GPC5: variants seen among roughly 807,000 people sequenced by gnomAD.
GPC5 encodes glypican 5.
In GPC5, 47 loss-of-function variants were observed where a neutral mutation model predicts 53.9. That is an observed-to-expected ratio of 0.87 (90% CI 0.69 to 1.11). The LOEUF is 1.11. Among genes scored for constraint, GPC5 ranks in the 50% most tolerant of loss-of-function variants. The pLI, the probability that GPC5 is intolerant of heterozygous loss-of-function variation, is 0.00. For missense variants in GPC5, 748 were observed against 713.1 expected, an observed-to-expected ratio of 1.05 and a Z score of -0.56; for synonymous variants, 286 against 263.3, an observed-to-expected ratio of 1.09 and a Z score of -0.84.
At chr13:92,065,895 T>C (rs369054220) in intron 6 of GPC5, among the ~76,000 whole-genome samples, 3 of 152,142 alleles carry the variant, frequency 2.0e-5, no homozygotes, top group African/African-American at 7.2e-5. Flanking sequence ...GTTTTGCATA[T>C]TCAAATAATT....
chr13:92,836,427 C>A (rs901583131), intron 7 of GPC5, among the ~76,000 whole-genome samples: 4 of 152,016 alleles, frequency 2.6e-5, no homozygotes, highest in South Asian at 4.1e-4. Context: ...CTAACAACAA[C>A]AAAAAAATCA....
rs79760039 is a variant in GPC5 at position 91,595,655 on chromosome 13, G to A, written c.326-97532G>A. 1.2e-4 allele frequency among the ~76,000 whole-genome samples: 19 copies of A among 152,150 alleles called. 1 individual carries two copies. Among genetic ancestry groups the A allele is most frequent in the Admixed American group, 2.6e-4 (4 of 15,282 alleles). ...TATCTGAACTTCCCTTTAAGCAGGCGCATTTGTTCTAGTTTGTTTTATATT... is the reference window on the plus strand; with the variant it reads ...TATCTGAACTTCCCTTTAAGCAGGCACATTTGTTCTAGTTTGTTTTATATT... On this transcript the variant is annotated intron_variant, in intron 2 of 7. Transcript: ENST00000377067.
chr13:91,871,340 C>T (rs78260556), intron 5 of GPC5, among the ~76,000 whole-genome samples: 2,342 of 151,240 alleles, frequency 0.015, 34 homozygotes, highest in Non-Finnish European at 0.023. Context: ...AAACAGACAC[C>T]GGGGTCTACT....
chr13:92,703,565 TAA>T (rs113868712), intron 7 of GPC5, among the ~76,000 whole-genome samples: 1 of 108,450 alleles, frequency 9.2e-6, no homozygotes. Context: ...AGAAAAGGGT[TAA>T]TATTATATAA....
chr13:91,621,761 T>TATATACATATATATATATATA, intron 2 of GPC5, among the ~76,000 whole-genome samples: 1 of 46,876 alleles, frequency 2.1e-5, no homozygotes, highest in African/African-American at 5.6e-5. Flanking sequence ...GGACAGAACA[T>TATATACATATATATATATATA]TATATATATA....
At chr13:91,592,797 C>T (rs1011739641) in intron 2 of GPC5, among the ~76,000 whole-genome samples, 4 of 152,200 alleles carry the variant, frequency 2.6e-5, no homozygotes, top group Admixed American at 2.0e-4. Context: ...GTGGAGGCTG[C>T]ACCATGCACA....
At position 91,739,695 on chromosome 13, in the gene GPC5, A is replaced by G. The variant is rs2036888874; in HGVS notation, c.1154+11030A>G. The stretch of plus-strand genomic sequence containing the variant: ...TCACATTGCGGCTAACTTCCCTCAG[A>G]ACAAGAAATCTAAGAGAGAGCAAGG... On this transcript the variant is annotated intron_variant, in intron 4 of 7. Coordinates refer to ENST00000377067, the MANE Select transcript of GPC5 (RefSeq NM_004466.6). Among the ~76,000 whole-genome samples, 3 of 151,338 alleles carry G rather than the reference A, an allele frequency of 2.0e-5. No homozygotes were observed. In the South Asian group the frequency reaches 6.2e-4, roughly 31 times the overall value.
intron 7 of GPC5, among the ~76,000 whole-genome samples, chr13:92,834,915 T>C (rs1023800708): frequency 6.6e-6 from 1 of 152,126 alleles, no homozygotes; most frequent in Non-Finnish European, 1.5e-5. Flanking sequence ...ACATCTTCTA[T>C]TGTTAGATTT....
At chr13:92,382,000 A>G (rs1327405434) in intron 7 of GPC5, among the ~76,000 whole-genome samples, 1 of 149,216 alleles carries the variant, frequency 6.7e-6, no homozygotes, top group South Asian at 2.1e-4. Context: ...CTATCTATCT[A>G]TCTATATATC....
At chr13:92,373,629 G>A (rs754163388) in intron 7 of GPC5, among the ~76,000 whole-genome samples, 1 of 152,192 alleles carries the variant, frequency 6.6e-6, no homozygotes, top group Non-Finnish European at 1.5e-5. Flanking sequence ...TACCTTCCAG[G>A]CATTCATATC....
intron 6 of GPC5, among the ~76,000 whole-genome samples, chr13:91,956,714 T>A (rs192710541): frequency 2.3e-4 from 35 of 152,300 alleles, no homozygotes; most frequent in Non-Finnish European, 4.9e-4. Flanking sequence ...CTACCCTGTT[T>A]ACAGCTGAAG....
intron 7 of GPC5, among the ~76,000 whole-genome samples, chr13:92,257,311 T>C (rs528296280): frequency 6.6e-6 from 1 of 152,048 alleles, no homozygotes; most frequent in Non-Finnish European, 1.5e-5. Context: ...GGTGTGACTA[T>C]TTGGAGCTGT....
chr13:91,849,332 T>C (rs942273193), intron 5 of GPC5, among the ~76,000 whole-genome samples: 2 of 152,172 alleles, frequency 1.3e-5, no homozygotes, highest in African/African-American at 2.4e-5. Context: ...CACTGCTATA[T>C]AGAGGCACTG....
intron 7 of GPC5, among the ~76,000 whole-genome samples, chr13:92,320,113 A>G (rs2043206078): frequency 6.6e-6 from 1 of 152,264 alleles, no homozygotes; most frequent in South Asian, 2.1e-4. Flanking sequence ...AAAAAAAATG[A>G]ATGCAGGATA....
At chr13:92,364,686 C>T (rs12868738) in intron 7 of GPC5, among the ~76,000 whole-genome samples, 1,538 of 151,734 alleles carry the variant, frequency 0.01, 32 homozygotes, top group Middle Eastern at 0.048. Flanking sequence ...GCCTAGATCG[C>T]GCCACTGCAC....
At chr13:92,175,390 C>T (rs1333156325) in intron 7 of GPC5, among the ~76,000 whole-genome samples, 2 of 152,046 alleles carry the variant, frequency 1.3e-5, no homozygotes, top group Non-Finnish European at 2.9e-5. Context: ...TAAGTGTTTG[C>T]TTCTTTTCTG....
chr13:91,962,987 C>T (rs2040140388), intron 6 of GPC5, among the ~76,000 whole-genome samples: 1 of 152,060 alleles, frequency 6.6e-6, no homozygotes, highest in Non-Finnish European at 1.5e-5. Flanking sequence ...TTATTTCTGC[C>T]TTCTGGGTGG....
chr13:92,123,049 C>T (rs2041664176), intron 6 of GPC5, among the ~76,000 whole-genome samples: 1 of 151,978 alleles, frequency 6.6e-6, no homozygotes, highest in Admixed American at 6.6e-5. Flanking sequence ...GGCAAAATGC[C>T]CTGTCTTATC....
At chr13:92,033,508 G>A (rs544746619) in intron 6 of GPC5, among the ~76,000 whole-genome samples, 5 of 152,236 alleles carry the variant, frequency 3.3e-5, no homozygotes, top group Admixed American at 1.3e-4. Flanking sequence ...AACATACCAG[G>A]AAGACAGATT....
Sources: allele counts gnomAD v4.1 joint callset (sites outside exome capture counted in the v4.1 genomes callset), GRCh38; gene constraint gnomAD v4.1.1; transcripts MANE v1.5; gene names NCBI Gene and HGNC (gene_info 2026-07-23, HGNC 2026-07-21).